CPA4: variants seen among roughly 807,000 people sequenced by gnomAD.
The protein encoded by CPA4 is carboxypeptidase A3.
CPA4 carries 49 observed loss-of-function variants against 54.7 expected under a neutral mutation model. The observed-to-expected ratio is 0.90, with a 90% CI of 0.71 to 1.14. The LOEUF (loss-of-function observed/expected upper bound fraction) is 1.14, where lower values mean the gene tolerates loss of function less well. Among genes scored for constraint, CPA4 ranks in the 50% most tolerant of loss-of-function variants. CPA4 has a pLI of 0.00. For missense variants in CPA4, 487 were observed against 525.1 expected (o/e 0.93, Z 0.71); for synonymous variants, 215 against 206.8 (o/e 1.04, Z -0.34).
chr7:130,300,868 G>T lies in CPA4; in HGVS notation c.338G>T (p.Arg113Leu), dbSNP rs373007376. Residue 113 changes from arginine (R) to leucine (L), a missense_variant, in exon 4 of 11, where the codon CGG becomes CTG. By Grantham distance (102) the Arg-to-Leu change is moderately radical. Coordinates refer to ENST00000222482, the MANE Select transcript of CPA4 (RefSeq NM_016352.4). The part of the protein sequence containing the change: ...DEMQHNEGQE[R>L]SSNNFNYGAY... ...ATGCAACACAATGAAGGGCAAGAAC[G>T]GAGCAGTAATAACTTCAACTACGGG... 2.5e-6 allele frequency: 4 copies of T among 1,613,920 alleles called. No individual in the cohort carries two copies. The highest frequency in any genetic ancestry group is 3.3e-5 in the Admixed American group (2 of 60,024).
chr7:130,322,288 T>C lies in CPA4; in HGVS notation c.1079-201T>C, dbSNP rs571513695. 3.5e-4 allele frequency among the ~76,000 whole-genome samples: 53 copies of C among 152,294 alleles called. 1 individual carries two copies. The highest frequency in any genetic ancestry group is 1.2e-3 in the African/African-American group (51 of 41,560). Reference sequence around the variant, plus strand: ...AGTAGGGGTTTCAGATCTCTTGATTTGAGACCAGTGTGCACCTCAGGCCAA... The same window carrying C: ...AGTAGGGGTTTCAGATCTCTTGATTCGAGACCAGTGTGCACCTCAGGCCAA... On this transcript the variant is annotated intron_variant, in intron 10 of 10. Transcript: ENST00000222482.
chr7:130,299,365 C>T lies in CPA4; in HGVS notation c.246C>T (p.Ser82=). 2 of 1,614,044 alleles carry T rather than the reference C, an allele frequency of 1.2e-6. No individual in the cohort carries two copies. Among genetic ancestry groups the T allele is most frequent in the Non-Finnish European group, 1.7e-6 (2 of 1,179,902 alleles). The part of the protein sequence containing the change: ...SLQAFKSFLR[S]QGLEYAVTIE... ...AGGCATTTAAATCCTTCCTGAGATC[C>T]CAGGGCTTAGAGTACGCAGTGACAA... The change falls in exon 3 of 11, where the codon TCC becomes TCT. Residue 82 remains serine (S), a synonymous_variant. Coordinates refer to ENST00000222482, the MANE Select transcript of CPA4 (RefSeq NM_016352.4).
intron 10 of CPA4, 121 bp from the exon 11 acceptor site, chr7:130,322,368 T>C (rs1232814309): frequency 2.7e-6 from 2 of 746,974 alleles, no homozygotes; most frequent in Non-Finnish European, 4.5e-6. Context: ...ATAGGACTGA[T>C]GACTTGAGGA....
chr7:130,300,742 G>T (rs1432280464), intron 3 of CPA4, 74 bp from the exon 4 acceptor site: 2 of 1,012,074 alleles, frequency 2.0e-6, no homozygotes, highest in African/African-American at 1.6e-5. Context: ...TGACCCATAT[G>T]CAAAGATATG....
chr7:130,296,903 TC>T (rs1408179099), intron 1 of CPA4, among the ~76,000 whole-genome samples: 1 of 151,896 alleles, frequency 6.6e-6, no homozygotes, highest in Non-Finnish European at 1.5e-5. Context: ...CGGGCCCTTG[TC>T]CCCATCCAGG....
At chr7:130,303,367 C>T (rs1367198245) in intron 4 of CPA4, among the ~76,000 whole-genome samples, 1 of 152,138 alleles carries the variant, frequency 6.6e-6, no homozygotes, top group African/African-American at 2.4e-5. Flanking sequence ...CACATGTATC[C>T]ACAGGATGTA....
In CPA4 at chr7:130,312,038, G is replaced by A. The variant is rs147548483; in HGVS notation, c.994G>A (p.Asp332Asn). 207 of 1,613,910 alleles carry A rather than the reference G, an allele frequency of 1.3e-4. No homozygotes were observed. In the African/African-American group the frequency reaches 2.6e-3, roughly 20 times the overall value. ...VKKAPDAEEL[D>N]KVARLAAKAL... is the part of the protein sequence containing the mutation. Reference sequence around the variant, plus strand: ...CACTCCACGGATTCCCCCTTCCCAGGACAAGGTGGCGAGGCTTGCGGCCAA... The same window carrying A: ...CACTCCACGGATTCCCCCTTCCCAGAACAAGGTGGCGAGGCTTGCGGCCAA... The change falls in exon 10 of 11, where the codon GAC (aspartate) becomes AAC (asparagine). Residue 332 changes from aspartate to asparagine, a missense_variant and splice_region_variant. Physicochemically the swap from Asp to Asn is conservative, Grantham distance 23. Coordinates refer to ENST00000222482, the MANE Select transcript of CPA4 (RefSeq NM_016352.4).
chr7:130,314,969 T>C (rs1463471644), intron 10 of CPA4, among the ~76,000 whole-genome samples: 1 of 152,118 alleles, frequency 6.6e-6, no homozygotes, highest in African/African-American at 2.4e-5. Flanking sequence ...GATTTTAGAC[T>C]TGGTTGTTTG....
At chr7:130,315,070 A>T (rs1793969019) in intron 10 of CPA4, among the ~76,000 whole-genome samples, 1 of 151,802 alleles carries the variant, frequency 6.6e-6, no homozygotes, top group Admixed American at 6.6e-5. Flanking sequence ...TGGGTGTAGT[A>T]AGGATGATCT....
At chr7:130,301,758 C>T (rs1230646223) in intron 4 of CPA4, among the ~76,000 whole-genome samples, 1 of 152,212 alleles carries the variant, frequency 6.6e-6, no homozygotes, top group East Asian at 1.9e-4. Context: ...CTTTCCCATG[C>T]TTGTCGGTAG....
At position 130,323,856 on chromosome 7, in the gene CPA4, A is replaced by G. The variant is rs1794166567; in HGVS notation, c.*1180A>G. The G allele has an allele frequency of 6.6e-6, 1 of 150,830 alleles. No individual in the cohort carries two copies. The highest frequency in any genetic ancestry group is 1.5e-5 in the Non-Finnish European group (1 of 68,338). 9.3% of individuals were successfully genotyped at this position (150,830 alleles called of 1,614,324 possible). On this transcript the variant is annotated 3_prime_UTR_variant, in exon 11 of 11. Coordinates refer to ENST00000222482, the MANE Select transcript of CPA4 (RefSeq NM_016352.4). ...AATCTCACTGCCCTGGCACATTCCC[A>G]TTTGTGCTGTGGTGTATCCTGTGTT...
intron 10 of CPA4, among the ~76,000 whole-genome samples, chr7:130,315,110 G>C (rs116555406): frequency 5.9e-5 from 9 of 152,028 alleles, no homozygotes; most frequent in South Asian, 4.2e-4. Flanking sequence ...AGGTGTGAGG[G>C]GGGGAATTGG....
intron 10 of CPA4, among the ~76,000 whole-genome samples, chr7:130,317,892 C>T (rs1047361830): frequency 1.3e-5 from 2 of 152,168 alleles, no homozygotes; most frequent in African/African-American, 2.4e-5. Flanking sequence ...ACTTGACTCA[C>T]TCTCAACTGG....
intron 10 of CPA4, among the ~76,000 whole-genome samples, chr7:130,315,488 G>A (rs1793974442): frequency 6.6e-6 from 1 of 152,100 alleles, no homozygotes; most frequent in Admixed American, 6.6e-5. Flanking sequence ...GGTGATAGGG[G>A]ATGTGTGGCT....
At chr7:130,306,151 G>T in intron 6 of CPA4, 1 of 565,664 alleles carries the variant, frequency 1.8e-6, no homozygotes, top group Non-Finnish European at 3.2e-6. Flanking sequence ...GCAGAGGTGG[G>T]CCTGAGCCTC....
chr7:130,322,245 C>A (rs1029070495), intron 10 of CPA4, among the ~76,000 whole-genome samples: 1 of 152,062 alleles, frequency 6.6e-6, no homozygotes, highest in Non-Finnish European at 1.5e-5. Flanking sequence ...ACGGACACAG[C>A]GTTAGTAATA....
chr7:130,299,201 G>C (rs145513866), intron 2 of CPA4, 69 bp from the exon 3 acceptor site: 7 of 1,509,928 alleles, frequency 4.6e-6, no homozygotes, highest in Non-Finnish European at 6.4e-6. Context: ...CAGTGTTCTA[G>C]AAGAATAACC....
intron 8 of CPA4, 130 bp downstream of exon 8, chr7:130,308,527 G>C (rs1370297687): frequency 1.4e-6 from 1 of 712,412 alleles, no homozygotes; most frequent in African/African-American, 1.8e-5. Flanking sequence ...AGAGACTGAG[G>C]AGCACTCCTT....
intron 7 of CPA4, among the ~76,000 whole-genome samples, chr7:130,307,958 G>A (rs1386464500): frequency 6.6e-6 from 1 of 152,200 alleles, no homozygotes; most frequent in African/African-American, 2.4e-5. Flanking sequence ...AGAAACAGGG[G>A]CTGTGCGCTT....
Sources: allele counts gnomAD v4.1 joint callset (sites outside exome capture counted in the v4.1 genomes callset), GRCh38; gene constraint gnomAD v4.1.1; transcripts MANE v1.5; gene names NCBI Gene and HGNC (gene_info 2026-07-23, HGNC 2026-07-21).